Variants in ECHDC3 observed in about 807,000 individuals in gnomAD.
The protein encoded by ECHDC3 is enoyl-CoA hydratase domain containing 3.
ECHDC3 carries 20 observed loss-of-function variants against 17.9 expected under a neutral mutation model. The observed-to-expected ratio is 1.12, with a 90% CI of 0.79 to 1.63. The LOEUF is 1.63. Among genes scored for constraint, ECHDC3 ranks in the 40% most tolerant of loss-of-function variants. The probability of loss-of-function intolerance (pLI) is 0.00; values close to 1 mark genes in which losing one functional copy is unlikely to be tolerated. For missense variants in ECHDC3, 407 were observed against 357.7 expected, an observed-to-expected ratio of 1.14 and a Z score of -1.11; for synonymous variants, 177 against 149.7, an observed-to-expected ratio of 1.18 and a Z score of -1.33.
chr10:11,752,622 G>A (rs1173369689), intron 3 of ECHDC3, among the ~76,000 whole-genome samples: 1 of 152,062 alleles, frequency 6.6e-6, no homozygotes, highest in Non-Finnish European at 1.5e-5. Context: ...TTACAGTATA[G>A]AATTACGTAA....
At chr10:11,749,688 T>C in intron 3 of ECHDC3, 96 bp downstream of exon 3, 5 of 1,193,534 alleles carry the variant, frequency 4.2e-6, no homozygotes, top group Non-Finnish European at 6.0e-6. Flanking sequence ...ATTTTATCCA[T>C]GAGACCCAAA....
At chr10:11,759,744 A>G (rs1218508551) in intron 4 of ECHDC3, among the ~76,000 whole-genome samples, 1 of 152,176 alleles carries the variant, frequency 6.6e-6, no homozygotes, top group Non-Finnish European at 1.5e-5. Context: ...GGCTGGGGTA[A>G]CCATTTAAAA....
chr10:11,755,573 C>T lies in ECHDC3; in HGVS notation c.556C>T (p.Pro186Ser). The change falls in exon 4 of 5, where the codon CCT (proline) becomes TCT (serine). Residue 186 changes from proline to serine, a missense_variant. By Grantham distance (74) the Pro-to-Ser change is moderately conservative (BLOSUM62 -1). Transcript: ENST00000379215. ...GVNVGLFCST[P>S]GVALARAVPR... is the part of the protein sequence containing the mutation. ...GAACGTCGGGCTCTTCTGTTCTACC[C>T]CTGGGGTTGCCTTGGCAAGAGCAGT... 6.2e-7 allele frequency: 1 copy of T among 1,613,864 alleles called. No individual in the cohort carries two copies. The highest frequency in any genetic ancestry group is 8.5e-7 in the Non-Finnish European group (1 of 1,179,930).
chr10:11,754,746 C>T (rs886242708), intron 3 of ECHDC3, among the ~76,000 whole-genome samples: 2 of 152,210 alleles, frequency 1.3e-5, no homozygotes, highest in African/African-American at 4.8e-5. Flanking sequence ...CCACACTCTT[C>T]TTCAGCACAT....
intron 1 of ECHDC3, 108 bp from the exon 2 acceptor site, chr10:11,747,241 C>T: frequency 7.1e-7 from 1 of 1,418,130 alleles, no homozygotes; most frequent in Non-Finnish European, 9.4e-7. Context: ...CCCAGCAGTT[C>T]TCCTTTCTTG....
At chr10:11,757,077 AATTG>A (rs889588975) in intron 4 of ECHDC3, among the ~76,000 whole-genome samples, 1 of 152,204 alleles carries the variant, frequency 6.6e-6, no homozygotes, top group Admixed American at 6.6e-5. Context: ...GTGTATAACA[AATTG>A]ATTGTCAGAG....
chr10:11,753,768 C>T (rs78600674), intron 3 of ECHDC3, among the ~76,000 whole-genome samples: 1 of 55,542 alleles, frequency 1.8e-5, no homozygotes, highest in African/African-American at 4.2e-5. Context: ...GTGCATTCTT[C>T]TTCTTTTTAT....
At chr10:11,757,261 C>A (rs1263637241) in intron 4 of ECHDC3, among the ~76,000 whole-genome samples, 1 of 152,130 alleles carries the variant, frequency 6.6e-6, no homozygotes, top group Non-Finnish European at 1.5e-5. Flanking sequence ...GGATAAGAAC[C>A]CATTCTCTCT....
intron 2 of ECHDC3, among the ~76,000 whole-genome samples, chr10:11,749,226 T>G (rs765014964): frequency 6.6e-6 from 1 of 152,216 alleles, no homozygotes; most frequent in Non-Finnish European, 1.5e-5. Flanking sequence ...AATCTTCTCC[T>G]TATGTAATTG....
At chr10:11,752,662 T>C (rs577771103) in intron 3 of ECHDC3, among the ~76,000 whole-genome samples, 18 of 152,350 alleles carry the variant, frequency 1.2e-4, no homozygotes, top group Non-Finnish European at 2.2e-4. Flanking sequence ...GCTTACTATA[T>C]GCCAGATAAT....
intron 3 of ECHDC3, 30 bp from the exon 4 acceptor site, chr10:11,755,378 G>A (rs1326746252): frequency 6.4e-7 from 1 of 1,574,342 alleles, no homozygotes; most frequent in Admixed American, 1.7e-5. Context: ...CCCTCTGGGT[G>A]GAAATGAAGT....
intron 4 of ECHDC3, among the ~76,000 whole-genome samples, chr10:11,758,314 G>A (rs1432343764): frequency 6.6e-6 from 1 of 152,188 alleles, no homozygotes; most frequent in African/African-American, 2.4e-5. Context: ...CCGTTCCCAG[G>A]CAGAGCTGGC....
intron 4 of ECHDC3, among the ~76,000 whole-genome samples, chr10:11,760,009 C>T (rs1202448216): frequency 6.6e-6 from 1 of 152,236 alleles, no homozygotes; most frequent in Admixed American, 6.5e-5. Context: ...ACATCTGGCT[C>T]AGCCAGGTCC....
intron 2 of ECHDC3, among the ~76,000 whole-genome samples, chr10:11,748,042 ATGTT>A (rs746557695): frequency 2.9e-4 from 44 of 152,212 alleles, no homozygotes; most frequent in African/African-American, 8.0e-4. Flanking sequence ...TTGTGATGCT[ATGTT>A]TGTTTGGCAA....
intron 3 of ECHDC3, among the ~76,000 whole-genome samples, chr10:11,751,034 T>A (rs972601570): frequency 6.6e-6 from 1 of 152,246 alleles, no homozygotes; most frequent in Non-Finnish European, 1.5e-5. Flanking sequence ...GACCTGGGTC[T>A]TTCGTTTCCT....
intron 4 of ECHDC3, among the ~76,000 whole-genome samples, chr10:11,758,500 G>T (rs1026424100): frequency 1.3e-5 from 2 of 152,226 alleles, no homozygotes; most frequent in Admixed American, 6.5e-5. Context: ...GTTAAAGCCC[G>T]CTGCTCAAAC....
chr10:11,742,773 C>G (rs1832710636), intron 1 of ECHDC3, 27 bp downstream of exon 1: 2 of 1,224,700 alleles, frequency 1.6e-6, no homozygotes, highest in South Asian at 3.9e-5. Flanking sequence ...GCGGGCTCCT[C>G]GCGTTGGTGC....
intron 4 of ECHDC3, among the ~76,000 whole-genome samples, chr10:11,760,587 C>T (rs1253146287): frequency 1.3e-5 from 2 of 152,182 alleles, no homozygotes; most frequent in Admixed American, 1.3e-4. Context: ...GGGTGGCTTT[C>T]GTTGTTTTTT....
intron 3 of ECHDC3, 111 bp downstream of exon 3, chr10:11,749,703 C>T: frequency 1.2e-6 from 1 of 843,016 alleles, no homozygotes; most frequent in African/African-American, 1.7e-5. Context: ...CCCAAACACC[C>T]AGAGCAACTG....
Sources: gnomAD v4.1 joint callset for allele counts (sites outside exome capture counted in the v4.1 genomes callset) on GRCh38, gnomAD v4.1.1 for gene constraint, MANE v1.5 for transcripts, NCBI Gene and HGNC (gene_info 2026-07-23, HGNC 2026-07-21) for gene names.